Variants in RGS5 observed in about 807,000 individuals in gnomAD.
RGS5 encodes the protein regulator of G protein signaling 5.
A neutral mutation model predicts 18.9 loss-of-function variants in RGS5; 20 were observed. The ratio of observed to expected loss-of-function variants is 1.06; its 90% CI spans 0.74 to 1.54. The LOEUF (loss-of-function observed/expected upper bound fraction) is 1.54, where lower values mean the gene tolerates loss of function less well. Among genes scored for constraint, RGS5 ranks in the 40% most tolerant of loss-of-function variants. The pLI, the probability that RGS5 is intolerant of heterozygous loss-of-function variation, is 0.00. For synonymous variants in RGS5, 57 were observed against 76.2 expected (o/e 0.75, Z 1.31); for missense variants, 201 against 211.8 (o/e 0.95, Z 0.32).
chr1:163,166,966 C>T (rs1170902346), intron 2 of RGS5, among the ~76,000 whole-genome samples: 1 of 152,184 alleles, frequency 6.6e-6, no homozygotes, highest in Non-Finnish European at 1.5e-5. Context: ...TCCACTACCG[C>T]TTGGTGCCTG....
chr1:163,268,698 A>G (rs899968675), intron 2 of RGS5, among the ~76,000 whole-genome samples: 10 of 151,988 alleles, frequency 6.6e-5, no homozygotes, highest in Non-Finnish European at 1.3e-4. Flanking sequence ...AAAATTACTC[A>G]AACTATCCAA....
chr1:163,239,129 T>C, intron 2 of RGS5: 1 of 169,022 alleles, frequency 5.9e-6, no homozygotes, highest in Non-Finnish European at 1.4e-5. Context: ...TGGGGATCTC[T>C]TCAGGGAAAG....
chr1:163,150,230 A>G (rs905076942), intron 4 of RGS5, among the ~76,000 whole-genome samples: 1 of 152,160 alleles, frequency 6.6e-6, no homozygotes, highest in African/African-American at 2.4e-5. Context: ...TCAACTAGTG[A>G]CCACAATTTA....
chr1:163,304,303 C>CTT (rs1334849009), intron 2 of RGS5: 1 of 152,234 alleles, frequency 6.6e-6, no homozygotes, highest in African/African-American at 2.4e-5. Context: ...TCAGGGGCTC[C>CTT]TGCCTGTCAG....
intron 2 of RGS5, among the ~76,000 whole-genome samples, chr1:163,250,789 A>G (rs1648087118): frequency 6.6e-6 from 1 of 152,232 alleles, no homozygotes; most frequent in South Asian, 2.1e-4. Context: ...GTAAGAATAA[A>G]TAACTTCTAG....
At chr1:163,238,567 A>T (rs1053850505) in intron 2 of RGS5, 1 of 166,630 alleles carries the variant, frequency 6.0e-6, no homozygotes. Context: ...ACAATTGTAG[A>T]GCAACCTGGT....
chr1:163,206,010 C>A (rs1180365506), upstream of RGS5, among the ~76,000 whole-genome samples: 1 of 152,210 alleles, frequency 6.6e-6, no homozygotes, highest in Non-Finnish European at 1.5e-5. Context: ...TAAACAGAGG[C>A]AAGGTCTTCA....
At chr1:163,222,098 C>T (rs11806541), upstream of RGS5, among the ~76,000 whole-genome samples, 21,320 of 151,984 alleles carry the variant, frequency 0.14, 1,856 homozygotes, top group Middle Eastern at 0.24. Context: ...CGGACTTACT[C>T]GGCCAAAATT....
At chr1:163,189,336 G>A (rs113043195) in intron 1 of RGS5, among the ~76,000 whole-genome samples, 1 of 152,132 alleles carries the variant, frequency 6.6e-6, no homozygotes, top group Non-Finnish European at 1.5e-5. Flanking sequence ...AAGGGCAGAA[G>A]GAAGAGTCAA....
At chr1:163,277,950 G>C (rs866679429) in intron 2 of RGS5, among the ~76,000 whole-genome samples, 30 of 151,788 alleles carry the variant, frequency 2.0e-4, no homozygotes, top group Admixed American at 2.0e-4. Context: ...GTTGAAGAGA[G>C]ATCTTTTGAA....
chr1:163,186,578 C>CAA (rs34092786), intron 1 of RGS5, among the ~76,000 whole-genome samples: 1,088 of 95,384 alleles, frequency 0.011, 28 homozygotes, highest in East Asian at 0.034. Flanking sequence ...GACTCTGTCT[C>CAA]AAAAAAAAAA....
chr1:163,320,167 A>C (rs1286875411), intron 1 of RGS5, among the ~76,000 whole-genome samples: 2 of 152,006 alleles, frequency 1.3e-5, no homozygotes, highest in African/African-American at 4.8e-5. Flanking sequence ...CTTTCACATA[A>C]ATCGCTTGGT....
In RGS5 at chr1:163,143,907, G is replaced by T. The variant is rs1293039765; in HGVS notation, c.*3435C>A. On this transcript the variant is annotated 3_prime_UTR_variant, in exon 5 of 5. Transcript: ENST00000313961. ...ACTTTTGCATGTCTATTACTCTTTG[G>T]AAAATAATTAACAGCTCCATCCTAT... The T allele has an allele frequency of 4.0e-5, 6 of 151,892 alleles. No homozygotes were observed. Among genetic ancestry groups the T allele is most frequent in the Non-Finnish European group, 8.8e-5 (6 of 67,964 alleles). 9.4% of individuals were successfully genotyped at this position (151,892 alleles called of 1,614,324 possible).
chr1:163,223,169 T>C (rs1647267238), intron 2 of RGS5, among the ~76,000 whole-genome samples: 3 of 152,132 alleles, frequency 2.0e-5, no homozygotes, highest in South Asian at 2.1e-4. Flanking sequence ...CAAGATTAAC[T>C]AGCCACTACA....
chr1:163,169,078 G>C (rs1658186824), intron 1 of RGS5, among the ~76,000 whole-genome samples: 1 of 143,194 alleles, frequency 7.0e-6, no homozygotes, highest in South Asian at 2.2e-4. Context: ...TGTTCTCATT[G>C]TTCAATTCCC....
intron 2 of RGS5, among the ~76,000 whole-genome samples, chr1:163,291,963 G>A (rs1206405310): frequency 1.3e-5 from 2 of 152,100 alleles, no homozygotes; most frequent in East Asian, 3.9e-4. Flanking sequence ...AGGCATAGAT[G>A]TGCCAATATA....
intron 2 of RGS5, among the ~76,000 whole-genome samples, chr1:163,274,775 G>T (rs956723997): frequency 1.3e-5 from 2 of 152,154 alleles, no homozygotes; most frequent in Non-Finnish European, 2.9e-5. Context: ...AATTGAATTG[G>T]TTAGTGTTAA....
chr1:163,243,872 T>G (rs140046509), intron 2 of RGS5, among the ~76,000 whole-genome samples: 20 of 150,880 alleles, frequency 1.3e-4, no homozygotes, highest in Admixed American at 8.0e-4. Flanking sequence ...ATCTGAGAGA[T>G]AGAATATTGT....
intron 3 of RGS5, among the ~76,000 whole-genome samples, chr1:163,153,841 T>TATAA (rs1024363329): frequency 2.0e-5 from 3 of 151,880 alleles, no homozygotes; most frequent in East Asian, 1.9e-4. Flanking sequence ...TATATATATA[T>TATAA]AAACCAAAAT....
Sources: gnomAD v4.1 joint callset for allele counts (sites outside exome capture counted in the v4.1 genomes callset) on GRCh38, gnomAD v4.1.1 for gene constraint, MANE v1.5 for transcripts, NCBI Gene and HGNC (gene_info 2026-07-23, HGNC 2026-07-21) for gene names.